The following PDCD2L variants were observed in gnomAD, a reference collection of about 807,000 sequenced individuals.
PDCD2L encodes the protein programmed cell death 2 like.
A neutral mutation model predicts 40.4 loss-of-function variants in PDCD2L; 44 were observed. That is an observed-to-expected ratio of 1.09 (90% CI 0.86 to 1.40). The LOEUF is 1.40. PDCD2L is among the 40% of genes most tolerant of loss of function. PDCD2L has a pLI of 0.00. For synonymous variants in PDCD2L, 194 were observed against 174.6 expected, an observed-to-expected ratio of 1.11 and a Z score of -0.88; for missense variants, 470 against 453.7, an observed-to-expected ratio of 1.04 and a Z score of -0.33.
At chr19:34,408,988 C>G in intron 3 of PDCD2L, 173 bp from the exon 4 acceptor site, 1 of 606,110 alleles carries the variant, frequency 1.6e-6, no homozygotes, top group East Asian at 2.8e-5. Context: ...TAAGTCACCT[C>G]CAACGTGCTT....
intron 3 of PDCD2L, among the ~76,000 whole-genome samples, chr19:34,407,462 C>T (rs2075082064): frequency 6.6e-6 from 1 of 152,104 alleles, no homozygotes; most frequent in African/African-American, 2.4e-5. Context: ...TTAACCACCA[C>T]TCTACTCTCT....
chr19:34,406,475 T>G lies in PDCD2L; in HGVS notation c.336+1485T>G, dbSNP rs112573753. 7.9e-3 allele frequency among the ~76,000 whole-genome samples: 1,195 copies of G among 151,652 alleles called. 17 individuals are homozygous for G. The highest frequency in any genetic ancestry group is 0.027 in the African/African-American group (1,114 of 41,332). On this transcript the variant is annotated intron_variant, in intron 3 of 6. Coordinates refer to ENST00000246535, the MANE Select transcript of PDCD2L (RefSeq NM_032346.2). ...GTCTCTGCTCACTGCAAGCTCCACC[T>G]CCTGGGTTCACACCATTCTGCCTCA...
chr19:34,424,661 C>G (rs2145475501), intron 6 of PDCD2L, among the ~76,000 whole-genome samples: 1 of 152,072 alleles, frequency 6.6e-6, no homozygotes, highest in East Asian at 1.9e-4. Flanking sequence ...GAGTTGTAGA[C>G]TTGCTCACTT....
chr19:34,424,762 T>TTTTG (rs2075168239), intron 6 of PDCD2L, among the ~76,000 whole-genome samples: 1 of 150,258 alleles, frequency 6.7e-6, no homozygotes, highest in African/African-American at 2.4e-5. Flanking sequence ...TTTTTTTTTT[T>TTTTG]GAGACAGAGT....
At chr19:34,418,106 C>T (rs1189292168) in intron 5 of PDCD2L, among the ~76,000 whole-genome samples, 2 of 152,176 alleles carry the variant, frequency 1.3e-5, no homozygotes, top group African/African-American at 4.8e-5. Flanking sequence ...TGTCTGTTTA[C>T]ATTTATTTTT....
chr19:34,418,035 A>G (rs1408064198), intron 5 of PDCD2L, among the ~76,000 whole-genome samples: 1 of 152,142 alleles, frequency 6.6e-6, no homozygotes, highest in Non-Finnish European at 1.5e-5. Context: ...CTAATAACAA[A>G]TGATGTTGTG....
rs931432918 is a variant in PDCD2L at position 34,409,167 on chromosome 19, G to A, written c.343G>A (p.Gly115Arg). The A allele has an allele frequency of 3.7e-6, 6 of 1,608,462 alleles. No homozygotes were observed. Among genetic ancestry groups the A allele is most frequent in the African/African-American group, 1.3e-5 (1 of 74,938 alleles). The change falls in exon 4 of 7, where the codon GGA becomes AGA. Residue 115 changes from glycine to arginine, a missense_variant. Coordinates refer to ENST00000246535, the MANE Select transcript of PDCD2L (RefSeq NM_032346.2). ...TCACTGAGTATTTTTCCAGAAACAGGGAAACAGCCTTGCAGCTGAGGACTG... is the reference window on the plus strand; with the variant it reads ...TCACTGAGTATTTTTCCAGAAACAGAGAAACAGCCTTGCAGCTGAGGACTG... ...EREAQDAQKQGNSLAAEDWCE... is the reference protein window; with the variant it reads ...EREAQDAQKQRNSLAAEDWCE...
intron 4 of PDCD2L, among the ~76,000 whole-genome samples, chr19:34,411,564 C>T (rs1433400489): frequency 6.6e-6 from 1 of 151,946 alleles, no homozygotes; most frequent in Non-Finnish European, 1.5e-5. Flanking sequence ...TTTACTGCAG[C>T]CTCAAACTCC....
intron 5 of PDCD2L, among the ~76,000 whole-genome samples, chr19:34,415,471 G>A (rs1599873259): frequency 2.0e-5 from 3 of 152,226 alleles, no homozygotes; most frequent in East Asian, 3.9e-4. Context: ...GGAAAAAATA[G>A]AGCTATTTTA....
intron 3 of PDCD2L, 100 bp downstream of exon 3, chr19:34,405,090 C>A: frequency 8.4e-7 from 1 of 1,191,434 alleles, no homozygotes; most frequent in South Asian, 1.4e-5. Flanking sequence ...CTTTGAAGTA[C>A]ACTGGAGTGT....
At chr19:34,415,699 G>A (rs889418882) in intron 5 of PDCD2L, among the ~76,000 whole-genome samples, 1 of 152,156 alleles carries the variant, frequency 6.6e-6, no homozygotes, top group Non-Finnish European at 1.5e-5. Context: ...ACTGAACAAA[G>A]GAAAAGGGCT....
At chr19:34,407,329 A>G (rs2075081327) in intron 3 of PDCD2L, among the ~76,000 whole-genome samples, 1 of 151,176 alleles carries the variant, frequency 6.6e-6, no homozygotes, top group African/African-American at 2.4e-5. Flanking sequence ...TTTAGTAGAG[A>G]TGGGGTTTCA....
At chr19:34,414,042 C>T (rs551897423) in intron 5 of PDCD2L, among the ~76,000 whole-genome samples, 195 bp downstream of exon 5, 3 of 152,222 alleles carry the variant, frequency 2.0e-5, no homozygotes, top group East Asian at 3.9e-4. Flanking sequence ...AGGTAAAGTG[C>T]ACTCACTTGT....
At chr19:34,411,156 ATTC>A (rs1422528229) in intron 4 of PDCD2L, among the ~76,000 whole-genome samples, 18 of 82,120 alleles carry the variant, frequency 2.2e-4, no homozygotes, top group Admixed American at 8.0e-4. Context: ...AGACTAGAGT[ATTC>A]TTCTTTTTTT....
At chr19:34,419,185 G>A (rs1005711465) in intron 5 of PDCD2L, among the ~76,000 whole-genome samples, 4 of 151,168 alleles carry the variant, frequency 2.6e-5, no homozygotes, top group East Asian at 1.9e-4. Flanking sequence ...TTCTTGAGAC[G>A]GAGTCTTGCT....
intron 6 of PDCD2L, chr19:34,421,996 G>A (rs771551158): frequency 3.8e-4 from 63 of 167,928 alleles, no homozygotes; most frequent in Non-Finnish European, 5.9e-4. Flanking sequence ...GTTGAGGCAG[G>A]GAATCGCTTG....
chr19:34,408,125 C>A (rs574777416), intron 3 of PDCD2L, among the ~76,000 whole-genome samples: 1 of 151,966 alleles, frequency 6.6e-6, no homozygotes, highest in East Asian at 1.9e-4. Flanking sequence ...CCAGGCTGTT[C>A]TTGAACTCCT....
At chr19:34,405,098 T>G (rs949271112) in intron 3 of PDCD2L, 108 bp downstream of exon 3, 7 of 1,126,802 alleles carry the variant, frequency 6.2e-6, no homozygotes, top group Non-Finnish European at 1.2e-6. Context: ...TACACTGGAG[T>G]GTTTTTTGCT....
chr19:34,421,172 T>A (rs757593342), intron 5 of PDCD2L, among the ~76,000 whole-genome samples: 6 of 152,090 alleles, frequency 3.9e-5, no homozygotes, highest in African/African-American at 7.2e-5. Flanking sequence ...GGCCTGGGGG[T>A]CCATGGCCTG....
Sources: gnomAD v4.1 joint callset for allele counts (sites outside exome capture counted in the v4.1 genomes callset) on GRCh38, gnomAD v4.1.1 for gene constraint, MANE v1.5 for transcripts, NCBI Gene and HGNC (gene_info 2026-07-23, HGNC 2026-07-21) for gene names.